PTPRM: variants seen among roughly 807,000 people sequenced by gnomAD.
The protein encoded by PTPRM is protein tyrosine phosphatase receptor type M.
Under a neutral mutation model 186.7 loss-of-function variants are expected in PTPRM, and 47 were observed. The observed-to-expected ratio is 0.25, with a 90% CI of 0.20 to 0.32. PTPRM has a LOEUF of 0.32. PTPRM is among the 10% of genes least tolerant of loss of function. PTPRM has a pLI of 1.00. For synonymous variants in PTPRM, 668 were observed against 674.9 expected (o/e 0.99, Z 0.16); for missense variants, 1,494 against 1,865.0 (o/e 0.80, Z 3.66).
intron 5 of PTPRM, among the ~76,000 whole-genome samples, chr18:7,927,165 T>C (rs2051221113): frequency 1.3e-5 from 2 of 152,342 alleles, no homozygotes; most frequent in South Asian, 4.1e-4. Context: ...TTTGGTGTAG[T>C]GATCAATTGT....
chr18:8,191,035 T>A (rs968910773), intron 14 of PTPRM, among the ~76,000 whole-genome samples: 1 of 152,178 alleles, frequency 6.6e-6, no homozygotes, highest in African/African-American at 2.4e-5. Flanking sequence ...GGTGAGCCTC[T>A]GGAGAAGTCT....
At chr18:7,645,937 T>C (rs1472682154) in intron 1 of PTPRM, among the ~76,000 whole-genome samples, 2 of 152,164 alleles carry the variant, frequency 1.3e-5, no homozygotes, top group Non-Finnish European at 2.9e-5. Flanking sequence ...ACAGGTCATG[T>C]TGGTATTTTA....
intron 11 of PTPRM, among the ~76,000 whole-genome samples, chr18:8,095,463 G>A (rs904902946): frequency 6.6e-6 from 1 of 152,110 alleles, no homozygotes; most frequent in Non-Finnish European, 1.5e-5. Flanking sequence ...TCAGAGAGAG[G>A]GGTGGGATGG....
chr18:7,679,941 C>T (rs566736362), intron 1 of PTPRM, among the ~76,000 whole-genome samples: 1 of 152,242 alleles, frequency 6.6e-6, no homozygotes, highest in South Asian at 2.1e-4. Flanking sequence ...TCACAGCTCA[C>T]CACAGCCTCA....
chr18:8,154,231 C>T (rs568596054), intron 14 of PTPRM, among the ~76,000 whole-genome samples: 44 of 152,286 alleles, frequency 2.9e-4, no homozygotes, highest in African/African-American at 8.2e-4. Context: ...AGGAAAGGAA[C>T]TGCCTCGGGT....
chr18:7,902,954 C>T (rs548118476), intron 3 of PTPRM, among the ~76,000 whole-genome samples: 17 of 151,854 alleles, frequency 1.1e-4, no homozygotes, highest in East Asian at 5.8e-4. Context: ...TAGATTCACA[C>T]GAGCACGTCT....
chr18:7,600,092 TG>T (rs1297985780), intron 1 of PTPRM, among the ~76,000 whole-genome samples: 1 of 152,194 alleles, frequency 6.6e-6, no homozygotes, highest in Non-Finnish European at 1.5e-5. Context: ...AGCAGGACTC[TG>T]GGGCCCACCA....
At chr18:7,698,287 A>G (rs1299380550) in intron 1 of PTPRM, among the ~76,000 whole-genome samples, 1 of 152,196 alleles carries the variant, frequency 6.6e-6, no homozygotes, top group East Asian at 1.9e-4. Flanking sequence ...CTGCTCTTAA[A>G]TGGCTCTGGA....
intron 19 of PTPRM, among the ~76,000 whole-genome samples, chr18:8,289,934 G>A (rs545402033): frequency 1.2e-4 from 19 of 152,242 alleles, no homozygotes; most frequent in African/African-American, 4.3e-4. Flanking sequence ...TCTTAGCCGT[G>A]AAGCATCACA....
intron 7 of PTPRM, among the ~76,000 whole-genome samples, chr18:7,994,695 A>G (rs960381319): frequency 2.0e-5 from 3 of 152,216 alleles, no homozygotes; most frequent in African/African-American, 7.2e-5. Context: ...TGGAAAAAAT[A>G]TGGAAGTTAA....
chr18:8,163,022 C>T (rs544148658), intron 14 of PTPRM, among the ~76,000 whole-genome samples: 1 of 152,298 alleles, frequency 6.6e-6, no homozygotes, highest in South Asian at 2.1e-4. Context: ...TAGCGCCTTC[C>T]TGCAACCAGT....
Position 8,406,209 on chromosome 18 carries a change from A to G in PTPRM, c.*47A>G. ...CAATCCCTTTCATACCACAAAGCCAAGACGTTCCATGGTATTTGTGCAAAA... is the reference window on the plus strand; with the variant it reads ...CAATCCCTTTCATACCACAAAGCCAGGACGTTCCATGGTATTTGTGCAAAA... On this transcript the variant is annotated 3_prime_UTR_variant, in exon 33 of 33. Transcript: ENST00000580170. 1 of 1,552,152 alleles carries G rather than the reference A, an allele frequency of 6.4e-7. No individual in the cohort carries two copies.
At chr18:7,934,071 A>G (rs1198751518) in intron 5 of PTPRM, among the ~76,000 whole-genome samples, 1 of 152,198 alleles carries the variant, frequency 6.6e-6, no homozygotes, top group African/African-American at 2.4e-5. Context: ...CGTTATAGAC[A>G]TACACCTTTA....
intron 32 of PTPRM, among the ~76,000 whole-genome samples, chr18:8,398,421 G>A (rs1273794999): frequency 6.6e-6 from 1 of 152,164 alleles, no homozygotes; most frequent in East Asian, 1.9e-4. Flanking sequence ...CACTGGAGAT[G>A]CAAAAGTCCT....
intron 1 of PTPRM, among the ~76,000 whole-genome samples, chr18:7,652,926 A>G: frequency 6.6e-6 from 1 of 152,050 alleles, no homozygotes; most frequent in Non-Finnish European, 1.5e-5. Context: ...ACTAATAAAA[A>G]AGGGTTCATG....
chr18:8,387,695 T>C (rs1231842664), intron 31 of PTPRM, among the ~76,000 whole-genome samples: 1 of 152,190 alleles, frequency 6.6e-6, no homozygotes, highest in African/African-American at 2.4e-5. Flanking sequence ...CATTACTTGA[T>C]TATTCAATTG....
chr18:7,654,736 C>T (rs112815348), intron 1 of PTPRM, among the ~76,000 whole-genome samples: 87 of 152,180 alleles, frequency 5.7e-4, no homozygotes, highest in African/African-American at 2.0e-3. Flanking sequence ...CTTTTGTTAG[C>T]GTTGTCAAAG....
chr18:7,795,245 G>T (rs1356994579), intron 2 of PTPRM, among the ~76,000 whole-genome samples: 1 of 152,148 alleles, frequency 6.6e-6, no homozygotes, highest in Admixed American at 6.5e-5. Context: ...TAGGAATTCT[G>T]TCAGTAAGCT....
At chr18:7,780,758 G>A (rs2042817650) in intron 2 of PTPRM, among the ~76,000 whole-genome samples, 1 of 152,156 alleles carries the variant, frequency 6.6e-6, no homozygotes, top group Non-Finnish European at 1.5e-5. Flanking sequence ...GAGTGCTGAA[G>A]AGGAATCAGG....
Sources: allele counts gnomAD v4.1 joint callset (sites outside exome capture counted in the v4.1 genomes callset), GRCh38; gene constraint gnomAD v4.1.1; transcripts MANE v1.5; gene names NCBI Gene and HGNC (gene_info 2026-07-23, HGNC 2026-07-21).